The following CELF2 variants were observed in gnomAD, a reference collection of about 807,000 sequenced individuals.
CELF2 encodes CUGBP Elav-like family member 2, also known as CUG triplet repeat RNA-binding protein 2.
Under a neutral mutation model 62.6 loss-of-function variants are expected in CELF2, and 8 were observed. That is an observed-to-expected ratio of 0.13 (90% CI 0.07 to 0.23). The LOEUF is 0.23. Among genes scored for constraint, CELF2 ranks in the 10% least tolerant of loss-of-function variants. The pLI is 1.00. For synonymous variants in CELF2, 258 were observed against 250.0 expected (o/e 1.03, Z -0.30); for missense variants, 333 against 671.0 (o/e 0.50, Z 5.56).
At chr10:10,494,954 T>C in the CELF2 span, among the ~76,000 whole-genome samples, 2 of 152,122 alleles carry the variant, frequency 1.3e-5, no homozygotes, top group African/African-American at 2.4e-5. Flanking sequence ...AAAGACTGAA[T>C]TGAAAGTCCA....
intron 4 of CELF2, among the ~76,000 whole-genome samples, chr10:11,251,771 T>C (rs944170055): frequency 6.6e-6 from 1 of 152,206 alleles, no homozygotes; most frequent in Non-Finnish European, 1.5e-5. Context: ...TAAGTTAACG[T>C]CTATAAAGAG....
chr10:10,510,501 A>C, the CELF2 span, among the ~76,000 whole-genome samples: 63,269 of 151,966 alleles, frequency 0.42, 13,576 homozygotes, highest in African/African-American at 0.45. Flanking sequence ...GTTTAATATC[A>C]CCCCAAGTAA....
At chr10:11,202,637 G>A (rs752379) in intron 2 of CELF2, among the ~76,000 whole-genome samples, 88,395 of 152,126 alleles carry the variant, frequency 0.58, 26,929 homozygotes, top group Non-Finnish European at 0.68. Context: ...CATCGAAAGC[G>A]TTCCAGCACA....
At chr10:11,095,351 G>A (rs79860444) in intron 1 of CELF2, among the ~76,000 whole-genome samples, 1,718 of 152,234 alleles carry the variant, frequency 0.011, 28 homozygotes, top group African/African-American at 0.04. Context: ...GTTGTGTGCG[G>A]CATCATCCCA....
At chr10:10,629,355 T>C in the CELF2 span, among the ~76,000 whole-genome samples, 1 of 152,206 alleles carries the variant, frequency 6.6e-6, no homozygotes, top group Non-Finnish European at 1.5e-5. Flanking sequence ...AAGATTTTTT[T>C]CCCATAGTTT....
At chr10:11,228,770 G>A (rs74876830) in intron 3 of CELF2, among the ~76,000 whole-genome samples, 4,184 of 148,648 alleles carry the variant, frequency 0.028, 207 homozygotes, top group African/African-American at 0.099. Flanking sequence ...TTTATCATTT[G>A]AGAATCTCAG....
chr10:10,496,495 A>G, the CELF2 span, among the ~76,000 whole-genome samples: 1 of 152,150 alleles, frequency 6.6e-6, no homozygotes, highest in African/African-American at 2.4e-5. Context: ...GAGCCCTAGT[A>G]TGGAACCTGG....
At chr10:10,615,942 T>C in the CELF2 span, among the ~76,000 whole-genome samples, 267 of 152,284 alleles carry the variant, frequency 1.8e-3, 2 homozygotes, top group African/African-American at 6.0e-3. Context: ...AAAGCTATGA[T>C]ATACATTATC....
the CELF2 span, among the ~76,000 whole-genome samples, chr10:10,600,401 T>C: frequency 1.3e-5 from 2 of 152,380 alleles, no homozygotes; most frequent in African/African-American, 2.4e-5. Context: ...CTGCTTTTTA[T>C]TCTTTTGATT....
the CELF2 span, among the ~76,000 whole-genome samples, chr10:10,529,315 C>T: frequency 7.0e-4 from 107 of 152,204 alleles, 1 homozygote; most frequent in Admixed American, 6.6e-3. Context: ...AGAAAATTCT[C>T]CAAGCTTTCT....
chr10:11,186,855 A>G (rs890748692), intron 2 of CELF2, among the ~76,000 whole-genome samples: 2 of 152,176 alleles, frequency 1.3e-5, no homozygotes, highest in African/African-American at 4.8e-5. Context: ...TGAGAGGGGT[A>G]TGGGAGTTTT....
rs568163374 is a variant in CELF2, at chr10:10,995,662, G to A, written c.89+75663G>A. Reference sequence around the variant, plus strand: ...GGGACACCTTCAAAGAGTTGTAAGCGGGAGACAGCTATGACCATATTTCAG... The same window carrying A: ...GGGACACCTTCAAAGAGTTGTAAGCAGGAGACAGCTATGACCATATTTCAG... On this transcript the variant is annotated intron_variant, in intron 2 of 13. Coordinates refer to the CELF2 transcript ENST00000636488. This position sits in a 1 kb window ranked among gnomAD's most constrained non-coding sequence, Gnocchi z 4.7. 8.5e-5 allele frequency among the ~76,000 whole-genome samples: 13 copies of A among 152,262 alleles called. No homozygotes were observed. Among genetic ancestry groups the A allele is most frequent in the South Asian group, 4.2e-4 (2 of 4,812 alleles).
rs545917658 is a variant in CELF2, at chr10:11,224,670, A to G, written c.354+7163A>G. 6.6e-6 allele frequency among the ~76,000 whole-genome samples: 1 copy of G among 152,334 alleles called. No individual in the cohort carries two copies. Among genetic ancestry groups the G allele is most frequent in the East Asian group, 1.9e-4 (1 of 5,190 alleles). On this transcript the variant is annotated intron_variant, in intron 3 of 12. Coordinates refer to ENST00000633077, the MANE Select transcript of CELF2 (RefSeq NM_001326342.2). The surrounding 1 kb of genome is among the most constrained non-coding windows in gnomAD (Gnocchi z 4.5). Reference sequence around the variant, plus strand: ...TCTGTCATTAGCGTATAGGGTTTCCATGAGAACTCATCTCTGAGAATATCA... The same window carrying G: ...TCTGTCATTAGCGTATAGGGTTTCCGTGAGAACTCATCTCTGAGAATATCA...
chr10:10,575,194 A>G, the CELF2 span, among the ~76,000 whole-genome samples: 1 of 152,286 alleles, frequency 6.6e-6, no homozygotes, highest in East Asian at 1.9e-4. Context: ...TGTTTCTTCT[A>G]ATAATAGCAA....
Position 11,302,518 on chromosome 10 carries a change from G to A in CELF2, c.977-11621G>A, listed in dbSNP as rs570831413. Reference sequence around the variant, plus strand: ...GCCCCCAAAGGACAGGATTGGGCCCGCCTCCCCCAGACAAGAACTCTGACC... The same window carrying A: ...GCCCCCAAAGGACAGGATTGGGCCCACCTCCCCCAGACAAGAACTCTGACC... On this transcript the variant is annotated intron_variant, in intron 9 of 12. Coordinates refer to ENST00000633077, the MANE Select transcript of CELF2 (RefSeq NM_001326342.2). The surrounding 1 kb of genome is among the most constrained non-coding windows in gnomAD (Gnocchi z 5.0). 2.0e-5 allele frequency among the ~76,000 whole-genome samples: 3 copies of A among 152,248 alleles called. No homozygotes were observed. The highest frequency in any genetic ancestry group is 1.9e-4 in the East Asian group (1 of 5,164).
chr10:10,560,093 A>G, the CELF2 span, among the ~76,000 whole-genome samples: 2 of 152,132 alleles, frequency 1.3e-5, no homozygotes, highest in Non-Finnish European at 2.9e-5. Flanking sequence ...GCTGAAATCT[A>G]TTATGGCTCT....
chr10:10,614,938 A>T, the CELF2 span, among the ~76,000 whole-genome samples: 1 of 151,994 alleles, frequency 6.6e-6, no homozygotes, highest in Non-Finnish European at 1.5e-5. Context: ...CGGTGGTGGG[A>T]AGCAATCAGG....
intron 1 of CELF2, among the ~76,000 whole-genome samples, chr10:11,089,327 A>G (rs1190182651): frequency 1.3e-5 from 2 of 152,242 alleles, no homozygotes; most frequent in East Asian, 1.9e-4. Flanking sequence ...TGAGGTGCGC[A>G]TAGGATTTTG....
At chr10:10,716,316 T>G in the CELF2 span, among the ~76,000 whole-genome samples, 1 of 152,138 alleles carries the variant, frequency 6.6e-6, no homozygotes, top group East Asian at 1.9e-4. Flanking sequence ...GAGGCATAAG[T>G]GAGCAGATGA....
Sources: allele counts gnomAD v4.1 joint callset (sites outside exome capture counted in the v4.1 genomes callset), GRCh38; gene constraint gnomAD v4.1.1; non-coding constraint Gnocchi (gnomAD v3.1); transcripts MANE v1.5; gene names NCBI Gene and HGNC (gene_info 2026-07-23, HGNC 2026-07-21).